CELF2: variants seen among roughly 807,000 people sequenced by gnomAD.
CELF2 encodes CUGBP Elav-like family member 2, also known as CUG triplet repeat RNA-binding protein 2.
In CELF2, 8 loss-of-function variants were observed where a neutral mutation model predicts 62.6. That is an observed-to-expected ratio of 0.13 (90% CI 0.07 to 0.23). The LOEUF (loss-of-function observed/expected upper bound fraction) is 0.23, where lower values mean the gene tolerates loss of function less well. CELF2 is among the 10% of genes least tolerant of loss of function. The probability of loss-of-function intolerance (pLI) is 1.00; values close to 1 mark genes in which losing one functional copy is unlikely to be tolerated. For missense variants in CELF2, 333 were observed against 671.0 expected (o/e 0.50, Z 5.56); for synonymous variants, 258 against 250.0 (o/e 1.03, Z -0.30).
the CELF2 span, among the ~76,000 whole-genome samples, chr10:10,624,346 C>T: frequency 1.3e-5 from 2 of 152,170 alleles, no homozygotes; most frequent in African/African-American, 4.8e-5. Context: ...TTCCAGAACA[C>T]GTGAGCCATA....
At chr10:11,003,814 T>C (rs1043032421), upstream of CELF2, among the ~76,000 whole-genome samples, 1 of 152,204 alleles carries the variant, frequency 6.6e-6, no homozygotes, top group East Asian at 1.9e-4. The surrounding 1 kb of genome is among the most constrained non-coding windows in gnomAD (Gnocchi z 4.4). Flanking sequence ...TCACTGTAAC[T>C]TTCATATGTT....
At chr10:10,862,853 C>T (rs1277561146) in intron 1 of CELF2, among the ~76,000 whole-genome samples, 2 of 152,242 alleles carry the variant, frequency 1.3e-5, no homozygotes, top group African/African-American at 2.4e-5. Flanking sequence ...TACACAAAAA[C>T]AATTTATATT....
intron 2 of CELF2, among the ~76,000 whole-genome samples, chr10:11,197,072 A>AAAGAAAGAAAG (rs1475213820): frequency 1.5e-5 from 2 of 135,758 alleles, no homozygotes. Flanking sequence ...GAAAGAAAGG[A>AAAGAAAGAAAG]AAGAAAGAAA....
Position 11,155,335 on chromosome 10 carries a change from C to CA in CELF2, c.75-10150dup, listed in dbSNP as rs775441540. Among the ~76,000 whole-genome samples the CA allele has an allele frequency of 3.4e-3, 522 of 151,866 alleles. 3 individuals are homozygous for CA. Among genetic ancestry groups the CA allele is most frequent in the Non-Finnish European group, 2.7e-3 (186 of 67,948 alleles). ...CCCCTGCTGCGAGTGGGCTTTTCAC[C>CA]ACGAGGCTGCTTCAGACCCTGGTGT... is the stretch of plus-strand genomic sequence containing the variant. On this transcript the variant is annotated intron_variant, in intron 1 of 12. Transcript: ENST00000633077.
rs2093312520 is a variant in CELF2, at chr10:11,297,443, G to A, written c.976+8891G>A. The stretch of plus-strand genomic sequence containing the variant: ...GCAGAAAGCCTTGGGGTCTGTGCTT[G>A]TGGAACAGAGGGACCAGGGGATGGA... On this transcript the variant is annotated intron_variant, in intron 9 of 12. Coordinates refer to ENST00000633077, the MANE Select transcript of CELF2 (RefSeq NM_001326342.2). This position sits in a 1 kb window ranked among gnomAD's most constrained non-coding sequence, Gnocchi z 4.4. Among the ~76,000 whole-genome samples the A allele has an allele frequency of 6.6e-6, 1 of 152,080 alleles. No individual in the cohort carries two copies. The highest frequency in any genetic ancestry group is 2.4e-5 in the African/African-American group (1 of 41,406).
chr10:11,009,010 G>GCA (rs1485700717), intron 1 of CELF2, among the ~76,000 whole-genome samples: 1 of 126,238 alleles, frequency 7.9e-6, no homozygotes, highest in African/African-American at 4.1e-5. Context: ...ATTTGCGGGG[G>GCA]GGGGGGGGGA....
In CELF2 at chr10:11,217,019, C is replaced by G. The variant is rs928837800; in HGVS notation, c.272-406C>G. On this transcript the variant is annotated intron_variant, in intron 2 of 12. Transcript: ENST00000633077. This position sits in a 1 kb window ranked among gnomAD's most constrained non-coding sequence, Gnocchi z 5.6. The stretch of plus-strand genomic sequence containing the variant: ...TGAGTTTAGAAAGTCTTTCAAAAAC[C>G]TGACGTTCTGGAGATACACTTTAAG... Among the ~76,000 whole-genome samples, 3 of 152,216 alleles carry G rather than the reference C, an allele frequency of 2.0e-5. No homozygotes were observed. The highest frequency in any genetic ancestry group is 2.9e-5 in the Non-Finnish European group (2 of 68,038).
chr10:10,540,626 G>A, the CELF2 span, among the ~76,000 whole-genome samples: 1 of 152,154 alleles, frequency 6.6e-6, no homozygotes, highest in South Asian at 2.1e-4. Flanking sequence ...AATATTACAA[G>A]TGATGAGTTC....
At chr10:10,807,339 G>A (rs192655485) in intron 1 of CELF2, among the ~76,000 whole-genome samples, 178 of 152,328 alleles carry the variant, frequency 1.2e-3, no homozygotes, top group Non-Finnish European at 2.1e-3. Flanking sequence ...GTTCTTCCAA[G>A]AGGGATTTGT....
the CELF2 span, among the ~76,000 whole-genome samples, chr10:10,558,610 G>A: frequency 6.6e-6 from 1 of 151,926 alleles, no homozygotes; most frequent in Non-Finnish European, 1.5e-5. Context: ...AGAAGGAATG[G>A]TACCAGTTCC....
chr10:10,996,845 G>C (rs1410516737), intron 2 of CELF2, among the ~76,000 whole-genome samples: 1 of 152,032 alleles, frequency 6.6e-6, no homozygotes, highest in Non-Finnish European at 1.5e-5. Context: ...TCCCCTGGGA[G>C]GTGCTGCCCA....
the CELF2 span, among the ~76,000 whole-genome samples, chr10:10,772,095 G>A: frequency 6.6e-6 from 1 of 151,752 alleles, no homozygotes. Context: ...AGAAAGACCA[G>A]TTTGATTTAG....
At chr10:10,748,747 CAAAAAAAAAAAAAAAA>C in the CELF2 span, among the ~76,000 whole-genome samples, 1 of 36,966 alleles carries the variant, frequency 2.7e-5, no homozygotes, top group South Asian at 9.0e-4. Flanking sequence ...GACTCTGTCT[CAAAAAAAAAAAAAAAA>C]AAAAAAAAAA....
the CELF2 span, among the ~76,000 whole-genome samples, chr10:10,770,551 G>A: frequency 1.3e-5 from 2 of 152,036 alleles, no homozygotes; most frequent in Admixed American, 6.6e-5. Flanking sequence ...TTATTAAATA[G>A]GAAGGAGGAA....
intron 1 of CELF2, among the ~76,000 whole-genome samples, chr10:11,143,273 C>G (rs1596068651): frequency 6.6e-6 from 1 of 152,196 alleles, no homozygotes; most frequent in South Asian, 2.1e-4. Context: ...GTTCTAATAT[C>G]CAGTTTAATG....
chr10:10,943,562 TA>T (rs1188198252), intron 2 of CELF2, among the ~76,000 whole-genome samples: 3 of 152,206 alleles, frequency 2.0e-5, no homozygotes, highest in Non-Finnish European at 4.4e-5. Flanking sequence ...CTTGAAGAAC[TA>T]GCTATATCAG....
At chr10:10,658,939 T>G in the CELF2 span, among the ~76,000 whole-genome samples, 4 of 152,204 alleles carry the variant, frequency 2.6e-5, no homozygotes, top group Admixed American at 2.0e-4. Flanking sequence ...TCTCTTTGGT[T>G]TGAAGGGCAT....
At chr10:10,780,695 G>T in the CELF2 span, among the ~76,000 whole-genome samples, 1 of 152,162 alleles carries the variant, frequency 6.6e-6, no homozygotes, top group African/African-American at 2.4e-5. Context: ...TGGCCAGGAT[G>T]GTCTCCATCT....
At chr10:10,496,288 T>G in the CELF2 span, among the ~76,000 whole-genome samples, 2 of 152,228 alleles carry the variant, frequency 1.3e-5, no homozygotes, top group African/African-American at 2.4e-5. Context: ...TATCTAAGCC[T>G]TCTTTTAGAT....
Sources: allele counts gnomAD v4.1 joint callset (sites outside exome capture counted in the v4.1 genomes callset), GRCh38; gene constraint gnomAD v4.1.1; non-coding constraint Gnocchi (gnomAD v3.1); transcripts MANE v1.5; gene names NCBI Gene and HGNC (gene_info 2026-07-23, HGNC 2026-07-21).